The following COL4A2 variants were observed in gnomAD, a reference collection of about 807,000 sequenced individuals.
COL4A2 encodes collagen type IV alpha 2 chain, also known as collagen alpha-2(IV) chain.
A neutral mutation model predicts 200.2 loss-of-function variants in COL4A2; 99 were observed. The observed-to-expected ratio is 0.49, with a 90% CI of 0.42 to 0.58. COL4A2 has a LOEUF of 0.58. COL4A2 is among the 20% of genes least tolerant of loss of function. The pLI is 0.00. For missense variants in COL4A2, 1,950 were observed against 2,314.1 expected, an observed-to-expected ratio of 0.84 and a Z score of 3.23; for synonymous variants, 897 against 900.6, an observed-to-expected ratio of 1.00 and a Z score of 0.07.
chr13:110,474,780 C>T (rs1315205857), intron 29 of COL4A2, among the ~76,000 whole-genome samples: 1 of 148,700 alleles, frequency 6.7e-6, no homozygotes, highest in Non-Finnish European at 1.5e-5. Context: ...CACGTACCCA[C>T]ACACGTGCCT....
chr13:110,454,496 C>T, intron 20 of COL4A2, among the ~76,000 whole-genome samples: 1 of 152,206 alleles, frequency 6.6e-6, no homozygotes, highest in Non-Finnish European at 1.5e-5. Context: ...CACGTCTCAT[C>T]ACACAGAGGG....
At chr13:110,405,949 C>A (rs1299632279) in intron 4 of COL4A2, among the ~76,000 whole-genome samples, 1 of 152,152 alleles carries the variant, frequency 6.6e-6, no homozygotes, top group African/African-American at 2.4e-5. Flanking sequence ...GCATTTGTGG[C>A]TGGAGGTCAT....
chr13:110,508,480 C>G lies in COL4A2; in HGVS notation c.4881+259C>G. The G allele has an allele frequency of 3.3e-6, 2 of 597,546 alleles. No individual in the cohort carries two copies. The highest frequency in any genetic ancestry group is 2.9e-6 in the Non-Finnish European group (1 of 342,806). 37.0% of individuals were successfully genotyped at this position (597,546 alleles called of 1,614,324 possible). A position where few individuals can be genotyped will look rare whatever the true frequency, so the allele number is the denominator to read the frequency against. On this transcript the variant is annotated intron_variant, in intron 47 of 47. Transcript: ENST00000360467. The surrounding 1 kb of genome is among the most constrained non-coding windows in gnomAD (Gnocchi z 6.1). ...GCCTTTGTAAGGAGTGTAACCAGGA[C>G]GAACTTGCCTGTTATCCGTCTTACT...
chr13:110,338,643 C>A (rs1317143533), intron 3 of COL4A2, among the ~76,000 whole-genome samples: 1 of 152,204 alleles, frequency 6.6e-6, no homozygotes, highest in African/African-American at 2.4e-5. Context: ...ACGTGCAAGG[C>A]AGCCAAGGCA....
At chr13:110,428,108 G>A (rs1010616085) in intron 6 of COL4A2, among the ~76,000 whole-genome samples, 2 of 152,186 alleles carry the variant, frequency 1.3e-5, no homozygotes, top group Admixed American at 6.5e-5. Flanking sequence ...TGTTATCCCT[G>A]AGAAGGAGGT....
At chr13:110,387,613 C>T (rs1324215852) in intron 4 of COL4A2, among the ~76,000 whole-genome samples, 2 of 151,888 alleles carry the variant, frequency 1.3e-5, no homozygotes, top group African/African-American at 2.4e-5. Flanking sequence ...GCTGCAGCCC[C>T]GAGGGAGCCC....
chr13:110,464,236 G>A (rs1365171083), intron 24 of COL4A2, among the ~76,000 whole-genome samples: 1 of 152,220 alleles, frequency 6.6e-6, no homozygotes, highest in African/African-American at 2.4e-5. Flanking sequence ...GCCAGTCCCA[G>A]CCCAGCTGGG....
At chr13:110,456,070 C>T (rs1881721293) in intron 20 of COL4A2, among the ~76,000 whole-genome samples, 1 of 152,254 alleles carries the variant, frequency 6.6e-6, no homozygotes, top group Non-Finnish European at 1.5e-5. Flanking sequence ...CGAGATGGCA[C>T]TCTTCTTCTC....
Position 110,489,744 on chromosome 13 carries a change from G to T in COL4A2, c.3305G>T (p.Arg1102Ile), listed in dbSNP as rs551174732. 1.3e-5 allele frequency: 21 copies of T among 1,613,962 alleles called. No individual in the cohort carries two copies. The East Asian group carries it at 4.2e-4, about 33-fold the overall frequency. ...GGGGACACTATAAATTTACCAGGAA[G>T]ACCAGGCCTGAAGGGGGAGCGGGGC... ...DIGDTINLPG[R>I]PGLKGERGTT... Residue 1102 changes from arginine to isoleucine, a missense_variant, in exon 36 of 48, where the codon AGA (arginine) becomes ATA (isoleucine). Arg to Ile is a moderately conservative substitution (Grantham distance 97). Around this residue, in one of 2 missense-constraint regions of COL4A2, gnomAD observed 1,385 missense variants for 1,720.5 expected, o/e 0.80. Transcript: ENST00000360467.
chr13:110,505,223 G>A lies in COL4A2; in HGVS notation c.4402+959G>A, dbSNP rs537878162. Among the ~76,000 whole-genome samples, 201 of 152,082 alleles carry A rather than the reference G, an allele frequency of 1.3e-3. 3 individuals are homozygous for A. The South Asian group carries it at 0.025, about 19-fold the overall frequency. On this transcript the variant is annotated intron_variant, in intron 45 of 47. Coordinates refer to ENST00000360467, the MANE Select transcript of COL4A2 (RefSeq NM_001846.4). ...AAATTAGCCGGGCGTGGTGGCGGGC[G>A]CCAGTAGTCCCAGCTACTCGGGAGG...
Position 110,385,356 on chromosome 13 carries a change from C to T in COL4A2, c.180+27804C>T, listed in dbSNP as rs533244645. Among the ~76,000 whole-genome samples the T allele has an allele frequency of 7.9e-5, 12 of 152,254 alleles. No individual in the cohort carries two copies. The South Asian group carries it at 1.9e-3, about 24-fold the overall frequency. On this transcript the variant is annotated intron_variant, in intron 4 of 47. Transcript: ENST00000360467. The stretch of plus-strand genomic sequence containing the variant: ...CCATGAAGAAAATCCTCATCCTGGA[C>T]TTCTGTGTCTGCTAAGGGAGGCACA...
chr13:110,328,246 T>C (rs1566475266), intron 3 of COL4A2: 1 of 152,276 alleles, frequency 6.6e-6, no homozygotes. Context: ...GAAGAGCCTC[T>C]GTCGGAGGAC....
intron 20 of COL4A2, among the ~76,000 whole-genome samples, chr13:110,454,234 A>G (rs1172339694): frequency 1.3e-5 from 2 of 152,212 alleles, no homozygotes; most frequent in African/African-American, 2.4e-5. Context: ...TAAGAGGCAC[A>G]CTGCTATTCT....
chr13:110,404,333 T>A (rs1006066877), intron 4 of COL4A2, among the ~76,000 whole-genome samples: 2 of 152,224 alleles, frequency 1.3e-5, no homozygotes, highest in Non-Finnish European at 1.5e-5. Flanking sequence ...ACCAGACTTA[T>A]AAAAATCAAT....
intron 3 of COL4A2, among the ~76,000 whole-genome samples, chr13:110,336,946 G>A (rs1447105578): frequency 3.9e-5 from 6 of 152,208 alleles, no homozygotes; most frequent in East Asian, 1.9e-4. Context: ...GCTCCTTCAC[G>A]GGACACTCAC....
chr13:110,393,213 CTCTT>C lies in COL4A2; in HGVS notation c.181-31515_181-31512del, dbSNP rs570016676. On this transcript the variant is annotated intron_variant, in intron 4 of 47. Coordinates refer to ENST00000360467, the MANE Select transcript of COL4A2 (RefSeq NM_001846.4). Reference sequence around the variant, plus strand: ...TTTTCTTTTGTAAGGTAAAATTGAGCTCTTTCTTTTCTCTAACAAGCTCATTTTA... The same window carrying C: ...TTTTCTTTTGTAAGGTAAAATTGAGCTCTTTTCTCTAACAAGCTCATTTTA... Among the ~76,000 whole-genome samples, 328 of 152,304 alleles carry C rather than the reference CTCTT, an allele frequency of 2.2e-3. 3 individuals carry two copies. Among genetic ancestry groups the C allele is most frequent in the African/African-American group, 7.4e-3 (307 of 41,560 alleles).
chr13:110,349,514 A>T (rs533502802), intron 3 of COL4A2, among the ~76,000 whole-genome samples: 4 of 152,192 alleles, frequency 2.6e-5, no homozygotes, highest in African/African-American at 9.6e-5. Context: ...CTCCAACTCC[A>T]CTGTATCCCA....
chr13:110,359,756 CTT>C (rs913339143), intron 4 of COL4A2, among the ~76,000 whole-genome samples: 1 of 152,204 alleles, frequency 6.6e-6, no homozygotes, highest in African/African-American at 2.4e-5. Flanking sequence ...TAGGGAACCT[CTT>C]TATAAATACT....
intron 4 of COL4A2, among the ~76,000 whole-genome samples, chr13:110,389,550 G>A (rs559506816): frequency 7.9e-5 from 12 of 152,358 alleles, no homozygotes; most frequent in African/African-American, 2.9e-4. Context: ...GGCTCAGGGA[G>A]TCCTTCTCAG....
Sources: allele counts gnomAD v4.1 joint callset (sites outside exome capture counted in the v4.1 genomes callset), GRCh38; gene constraint gnomAD v4.1.1; regional missense constraint gnomAD v4.1.1; non-coding constraint Gnocchi (gnomAD v3.1); transcripts MANE v1.5; gene names NCBI Gene and HGNC (gene_info 2026-07-23, HGNC 2026-07-21).